PCDHGA11: variants seen among roughly 807,000 people sequenced by gnomAD.
The protein encoded by PCDHGA11 is protocadherin gamma-A11.
Under a neutral mutation model 60.4 loss-of-function variants are expected in PCDHGA11, and 39 were observed. That is an observed-to-expected ratio of 0.65 (90% confidence interval 0.50 to 0.84). The LOEUF (loss-of-function observed/expected upper bound fraction) is 0.84, where lower values mean the gene tolerates loss of function less well. PCDHGA11 is among the 40% of genes least tolerant of loss of function. PCDHGA11 has a pLI of 0.00. For synonymous variants in PCDHGA11, 533 were observed against 510.3 expected (o/e 1.04, Z -0.60); for missense variants, 1,165 against 1,197.7 (o/e 0.97, Z 0.40).
At chr5:141,449,920 A>G (rs1287640011) in intron 1 of PCDHGA11, among the ~76,000 whole-genome samples, 1 of 151,842 alleles carries the variant, frequency 6.6e-6, no homozygotes, top group East Asian at 1.9e-4. Context: ...TTTAAATTCT[A>G]CCATACCTTA....
intron 3 of PCDHGA11, among the ~76,000 whole-genome samples, chr5:141,510,660 G>A (rs2099882170): frequency 1.3e-5 from 2 of 152,174 alleles, no homozygotes; most frequent in East Asian, 1.9e-4. Context: ...TTTTGCAGAT[G>A]AGAAAACTGA....
intron 1 of PCDHGA11, among the ~76,000 whole-genome samples, chr5:141,464,261 T>TC (rs2099079163): frequency 1.5e-5 from 2 of 137,096 alleles, no homozygotes; most frequent in African/African-American, 2.9e-5. Flanking sequence ...CGAGACTCCG[T>TC]CTAAAAAAAA....
chr5:141,427,887 C>A (rs759734297), intron 1 of PCDHGA11: 2 of 1,565,908 alleles, frequency 1.3e-6, no homozygotes, highest in Admixed American at 1.7e-5. Flanking sequence ...GGCCCACGAC[C>A]AGGGCTCGCC....
At position 141,436,288 on chromosome 5, in the gene PCDHGA11, C is replaced by T. The variant is rs533281663; in HGVS notation, c.2433+12628C>T. On this transcript the variant is annotated intron_variant, in intron 1 of 3. Coordinates refer to ENST00000398587, the MANE Select transcript of PCDHGA11 (RefSeq NM_018914.3). ...CACCTAACTTGATTTAGGAACAAATCATTGAGAGTTAGAGCATGAATAGTC... is the reference window on the plus strand; with the variant it reads ...CACCTAACTTGATTTAGGAACAAATTATTGAGAGTTAGAGCATGAATAGTC... 3.9e-3 allele frequency among the ~76,000 whole-genome samples: 590 copies of T among 152,274 alleles called. 9 individuals are homozygous for T. Among genetic ancestry groups the T allele is most frequent in the Middle Eastern group, 0.01 (3 of 294 alleles).
At chr5:141,443,447 C>T (rs1267862519) in intron 1 of PCDHGA11, among the ~76,000 whole-genome samples, 1 of 152,184 alleles carries the variant, frequency 6.6e-6, no homozygotes, top group African/African-American at 2.4e-5. Flanking sequence ...GGTTGCGCTC[C>T]TGTACTCCAG....
intron 1 of PCDHGA11, among the ~76,000 whole-genome samples, chr5:141,425,325 A>G (rs1371591408): frequency 6.6e-6 from 1 of 152,240 alleles, no homozygotes. Context: ...ATCGTGGAGA[A>G]CAAAAAGGAA....
intron 1 of PCDHGA11, among the ~76,000 whole-genome samples, chr5:141,444,770 C>A (rs1382748105): frequency 2.6e-5 from 4 of 152,078 alleles, no homozygotes; most frequent in African/African-American, 9.7e-5. Context: ...TTTCTATATT[C>A]TTGATCATGT....
Position 141,474,743 on chromosome 5 carries a change from T to A in PCDHGA11, c.2434-20064T>A, listed in dbSNP as rs113053006. Among the ~76,000 whole-genome samples the A allele has an allele frequency of 4.0e-3, 610 of 152,354 alleles. 8 individuals carry two copies. The highest frequency in any genetic ancestry group is 0.014 in the African/African-American group (593 of 41,580). On this transcript the variant is annotated intron_variant, in intron 1 of 3. Transcript: ENST00000398587. ...AGGACTCTATGCAATCAAAGTGATG[T>A]CCAAGACAAATATACAGAAATAGTA...
rs1356739313 is a variant in PCDHGA11, at chr5:141,490,444, A to T, written c.2434-4363A>T. The T allele has an allele frequency of 6.2e-7, 1 of 1,614,194 alleles. No individual in the cohort carries two copies. Among genetic ancestry groups the T allele is most frequent in the Non-Finnish European group, 8.5e-7 (1 of 1,180,034 alleles). On this transcript the variant is annotated intron_variant, in intron 1 of 3. Transcript: ENST00000398587. The surrounding 1 kb of genome is among the most constrained non-coding windows in gnomAD (Gnocchi z 5.4). ...GCCATTTCAGATTAAGCCTTCTGAG[A>T]ACCACTACTCGCTGCTAACCAGCCA...
chr5:141,455,109 G>A (rs2098813382), intron 1 of PCDHGA11, among the ~76,000 whole-genome samples: 1 of 151,932 alleles, frequency 6.6e-6, no homozygotes, highest in South Asian at 2.1e-4. Context: ...ACTGCGCCCG[G>A]TGGGTCTAAT....
At position 141,490,162 on chromosome 5, in the gene PCDHGA11, A is replaced by G. The variant is rs1371128858; in HGVS notation, c.2434-4645A>G. The G allele has an allele frequency of 1.2e-6, 2 of 1,614,218 alleles. No individual in the cohort carries two copies. The highest frequency in any genetic ancestry group is 1.7e-6 in the Non-Finnish European group (2 of 1,180,028). ...TGGGGCAATCCATGTGTTGGGTCCCATAGACTTTGAGGAGTCACGTTTCTA... is the reference window on the plus strand; with the variant it reads ...TGGGGCAATCCATGTGTTGGGTCCCGTAGACTTTGAGGAGTCACGTTTCTA... On this transcript the variant is annotated intron_variant, in intron 1 of 3. Transcript: ENST00000398587. This position sits in a 1 kb window ranked among gnomAD's most constrained non-coding sequence, Gnocchi z 5.4.
chr5:141,476,850 A>C lies in PCDHGA11; in HGVS notation c.2434-17957A>C, dbSNP rs747333239. Reference sequence around the variant, plus strand: ...GCGAATGACAATGCGCCTGTCTTCAACCAGTCCTTGTACCGGGCGCGCGTC... The same window carrying C: ...GCGAATGACAATGCGCCTGTCTTCACCCAGTCCTTGTACCGGGCGCGCGTC... On this transcript the variant is annotated intron_variant, in intron 1 of 3. Transcript: ENST00000398587. The surrounding 1 kb of genome is among the most constrained non-coding windows in gnomAD (Gnocchi z 7.6). The C allele has an allele frequency of 5.6e-6, 9 of 1,613,718 alleles. No individual in the cohort carries two copies. Among genetic ancestry groups the C allele is most frequent in the Non-Finnish European group, 7.6e-6 (9 of 1,180,054 alleles).
At chr5:141,466,213 C>G (rs2099118871) in intron 1 of PCDHGA11, among the ~76,000 whole-genome samples, 1 of 151,958 alleles carries the variant, frequency 6.6e-6, no homozygotes, top group South Asian at 2.1e-4. Flanking sequence ...CTCTGTTACC[C>G]AGGCTGGAGT....
chr5:141,490,686 C>T lies in PCDHGA11; in HGVS notation c.2434-4121C>T. The T allele has an allele frequency of 3.7e-6, 6 of 1,614,196 alleles. No homozygotes were observed. The highest frequency in any genetic ancestry group is 5.1e-6 in the Non-Finnish European group (6 of 1,180,014). ...GCACTGTGGCTGCCTCAGATCCAGA[C>T]ACTGGGGATAATGCCCGCCTCACCT... On this transcript the variant is annotated intron_variant, in intron 1 of 3. Coordinates refer to ENST00000398587, the MANE Select transcript of PCDHGA11 (RefSeq NM_018914.3). This position sits in a 1 kb window ranked among gnomAD's most constrained non-coding sequence, Gnocchi z 5.4.
At position 141,491,794 on chromosome 5, in the gene PCDHGA11, TC is replaced by T; in HGVS notation, c.2434-3011del. On this transcript the variant is annotated intron_variant, in intron 1 of 3. Transcript: ENST00000398587. This position sits in a 1 kb window ranked among gnomAD's most constrained non-coding sequence, Gnocchi z 6.9. ...GGGATTGAACTTGCATCCACTCCTC[TC>T]CGGCCGGCTTGGTCGCTGGCTGCGC... is the stretch of plus-strand genomic sequence containing the variant. The T allele has an allele frequency of 6.6e-7, 1 of 1,511,056 alleles. No individual in the cohort carries two copies. The highest frequency in any genetic ancestry group is 8.8e-7 in the Non-Finnish European group (1 of 1,130,146). The allele number at this position is 1,511,056 out of a possible 1,614,324, so 93.6% of individuals were successfully genotyped here.
intron 1 of PCDHGA11, among the ~76,000 whole-genome samples, chr5:141,459,691 C>T (rs754899227): frequency 3.9e-5 from 6 of 152,158 alleles, no homozygotes; most frequent in East Asian, 1.9e-4. Flanking sequence ...TAAAGCGTTC[C>T]GCTTGCTACA....
At chr5:141,500,184 T>A (rs889800014) in intron 2 of PCDHGA11, among the ~76,000 whole-genome samples, 89 of 135,966 alleles carry the variant, frequency 6.5e-4, no homozygotes, top group African/African-American at 2.4e-3. Flanking sequence ...TCATTTTTAT[T>A]TTTATTTATT....
At chr5:141,495,960 C>G (rs1380397345) in intron 2 of PCDHGA11, among the ~76,000 whole-genome samples, 2 of 151,998 alleles carry the variant, frequency 1.3e-5, no homozygotes, top group East Asian at 3.9e-4. Context: ...CTTTTTCTGC[C>G]TCTTTCTCTG....
rs765353257 is a variant in PCDHGA11 at position 141,431,824 on chromosome 5, G to A, written c.2433+8164G>A. On this transcript the variant is annotated intron_variant, in intron 1 of 3. Coordinates refer to ENST00000398587, the MANE Select transcript of PCDHGA11 (RefSeq NM_018914.3). The surrounding 1 kb of genome is among the most constrained non-coding windows in gnomAD (Gnocchi z 4.8). ...TGGTCCTCACCTCTCTCGCCAGCTC[G>A]GTTCCCGAAAACTCTCCCAGAGGGA... is the stretch of plus-strand genomic sequence containing the variant. The A allele has an allele frequency of 1.3e-5, 21 of 1,614,092 alleles. No homozygotes were observed. In the South Asian group the frequency reaches 2.1e-4, roughly 16 times the overall value.
Sources: gnomAD v4.1 joint callset for allele counts (sites outside exome capture counted in the v4.1 genomes callset) on GRCh38, gnomAD v4.1.1 for gene constraint, Gnocchi (gnomAD v3.1) non-coding constraint, MANE v1.5 for transcripts, NCBI Gene and HGNC (gene_info 2026-07-23, HGNC 2026-07-21) for gene names.